RFT1: variants seen among roughly 807,000 people sequenced by gnomAD.
RFT1 encodes RFT1 glycolipid translocator homolog.
A neutral mutation model predicts 62.2 loss-of-function variants in RFT1; 43 were observed. That is an observed-to-expected ratio of 0.69 (90% CI 0.54 to 0.89). RFT1 has a LOEUF of 0.89. Ranked by LOEUF, RFT1 falls within the 40% of genes least tolerant of loss-of-function variation. RFT1 has a pLI of 0.00. For synonymous variants in RFT1, 262 were observed against 264.6 expected, an observed-to-expected ratio of 0.99 and a Z score of 0.10; for missense variants, 605 against 649.9, an observed-to-expected ratio of 0.93 and a Z score of 0.75.
chr3:53,103,852 T>C (rs1701384892), intron 10 of RFT1, 101 bp downstream of exon 10: 1 of 1,436,538 alleles, frequency 7.0e-7, no homozygotes, highest in South Asian at 1.2e-5. Context: ...TTCCCTACAC[T>C]GACACAGATA....
chr3:53,107,030 T>C (rs1379317059), intron 7 of RFT1, among the ~76,000 whole-genome samples, 161 bp from the exon 8 acceptor site: 1 of 151,812 alleles, frequency 6.6e-6, no homozygotes, highest in Admixed American at 6.6e-5. Flanking sequence ...TTTCAAATAA[T>C]CTCAGAGTAA....
downstream of RFT1, among the ~76,000 whole-genome samples, chr3:53,083,941 T>C (rs1173972543): frequency 6.6e-6 from 1 of 152,242 alleles, no homozygotes; most frequent in East Asian, 1.9e-4. Context: ...TATCCCAGTT[T>C]GTTCATAAAA....
At chr3:53,076,114 G>C in the RFT1 span, among the ~76,000 whole-genome samples, 1 of 152,242 alleles carries the variant, frequency 6.6e-6, no homozygotes, top group South Asian at 2.1e-4. Flanking sequence ...CCACACTGCA[G>C]ATGTTAAACC....
At chr3:53,121,086 C>A (rs1264309790) in intron 5 of RFT1, among the ~76,000 whole-genome samples, 1 of 152,182 alleles carries the variant, frequency 6.6e-6, no homozygotes, top group East Asian at 1.9e-4. Context: ...ACTATCTGAT[C>A]TTAAATTTCA....
chr3:53,110,472 G>C (rs1701614709), intron 7 of RFT1, among the ~76,000 whole-genome samples: 1 of 152,162 alleles, frequency 6.6e-6, no homozygotes, highest in African/African-American at 2.4e-5. Flanking sequence ...TCCCCGAGAA[G>C]GCCTCGGAAC....
Position 53,089,208 on chromosome 3 carries a change from G to A in RFT1, c.*2695C>T, listed in dbSNP as rs1026125164. 3.9e-5 allele frequency: 6 copies of A among 152,416 alleles called. No individual in the cohort carries two copies. Among genetic ancestry groups the A allele is most frequent in the Non-Finnish European group, 8.8e-5 (6 of 68,260 alleles). 9.4% of individuals were successfully genotyped at this position (152,416 alleles called of 1,614,324 possible). On this transcript the variant is annotated 3_prime_UTR_variant, in exon 13 of 13. Transcript: ENST00000296292. The stretch of plus-strand genomic sequence containing the variant: ...CAGGTTGGGAAGTGGCTGGGAACAG[G>A]GCAGAGTAGCGGTTCCAGAGCCAGA...
intron 1 of RFT1, 142 bp from the exon 2 acceptor site, chr3:53,126,136 G>A (rs926468905): frequency 6.1e-6 from 4 of 657,162 alleles, no homozygotes; most frequent in African/African-American, 1.8e-5. Context: ...CCTCTAAGAC[G>A]CCCAACCTGT....
In RFT1 at chr3:53,122,567, G is replaced by A. The variant is rs1473728720; in HGVS notation, c.267-4C>T. 6.4e-7 allele frequency: 1 copy of A among 1,561,872 alleles called. No homozygotes were observed. On this transcript the variant is annotated splice_region_variant and splice_polypyrimidine_tract_variant and intron_variant, in intron 3 of 12. Coordinates refer to ENST00000296292, the MANE Select transcript of RFT1 (RefSeq NM_052859.4). Reference sequence around the variant, plus strand: ...CCAAAACACACCCAGGGGGACTCTAGAAGAGGAGAAAAAAATAATTCACTA... The same window carrying A: ...CCAAAACACACCCAGGGGGACTCTAAAAGAGGAGAAAAAAATAATTCACTA...
intron 6 of RFT1, 128 bp downstream of exon 6, chr3:53,119,756 G>C (rs1701913079): frequency 4.4e-6 from 4 of 908,712 alleles, no homozygotes; most frequent in Non-Finnish European, 5.0e-6. Flanking sequence ...CATAGAGCAA[G>C]CACTCCATAA....
chr3:53,082,628 T>A, the RFT1 span, among the ~76,000 whole-genome samples: 2 of 152,194 alleles, frequency 1.3e-5, no homozygotes. Flanking sequence ...TCTCTGTGCC[T>A]CCGTTTCCTC....
chr3:53,083,665 C>T (rs1191376677), downstream of RFT1, among the ~76,000 whole-genome samples: 1 of 152,204 alleles, frequency 6.6e-6, no homozygotes, highest in African/African-American at 2.4e-5. Context: ...GAGCTGAGAG[C>T]AGGCAAAGAC....
downstream of RFT1, among the ~76,000 whole-genome samples, chr3:53,086,846 C>T (rs1005244477): frequency 6.6e-6 from 1 of 152,130 alleles, no homozygotes; most frequent in African/African-American, 2.4e-5. Context: ...TGCTCAGGAT[C>T]GAGCTGCTGG....
chr3:53,076,573 G>A, the RFT1 span, among the ~76,000 whole-genome samples: 1 of 152,114 alleles, frequency 6.6e-6, no homozygotes, highest in Non-Finnish European at 1.5e-5. Context: ...ATCAACTTAC[G>A]CCAAATCATA....
chr3:53,073,655 C>A, the RFT1 span, among the ~76,000 whole-genome samples: 1 of 152,168 alleles, frequency 6.6e-6, no homozygotes, highest in Non-Finnish European at 1.5e-5. Flanking sequence ...CTGTGCCGGG[C>A]GAAGAGGATT....
At chr3:53,108,170 T>A (rs1701542531) in intron 7 of RFT1, among the ~76,000 whole-genome samples, 1 of 151,832 alleles carries the variant, frequency 6.6e-6, no homozygotes, top group Non-Finnish European at 1.5e-5. Context: ...TGCCTCAGCC[T>A]CCTGAGTAGC....
the RFT1 span, among the ~76,000 whole-genome samples, chr3:53,081,547 C>G: frequency 6.6e-6 from 1 of 152,124 alleles, no homozygotes; most frequent in Non-Finnish European, 1.5e-5. Context: ...TTTCATCTTT[C>G]CTGGACCACG....
intron 7 of RFT1, among the ~76,000 whole-genome samples, chr3:53,108,582 C>T (rs984470065): frequency 5.3e-5 from 8 of 151,228 alleles, no homozygotes; most frequent in African/African-American, 7.3e-5. Context: ...TTAGTGGAGA[C>T]GGGGTTTCCC....
chr3:53,112,240 T>C (rs974247142), intron 6 of RFT1, among the ~76,000 whole-genome samples: 2 of 152,208 alleles, frequency 1.3e-5, no homozygotes, highest in Non-Finnish European at 2.9e-5. Context: ...CCTTAAAAAC[T>C]GTCTAAAGCA....
intron 8 of RFT1, 83 bp from the exon 9 acceptor site, chr3:53,105,886 T>C: frequency 8.0e-7 from 1 of 1,253,178 alleles, no homozygotes. Context: ...TATTTAATAT[T>C]TTCATTAAAG....
Sources: gnomAD v4.1 joint callset for allele counts (sites outside exome capture counted in the v4.1 genomes callset) on GRCh38, gnomAD v4.1.1 for gene constraint, MANE v1.5 for transcripts, NCBI Gene and HGNC (gene_info 2026-07-23, HGNC 2026-07-21) for gene names.